Variants in MARF1 observed in about 807,000 individuals in gnomAD.
MARF1 encodes limkain-b1.
In MARF1, 24 loss-of-function variants were observed where a neutral mutation model predicts 168.2. That is an observed-to-expected ratio of 0.14 (90% CI 0.10 to 0.20). The LOEUF (loss-of-function observed/expected upper bound fraction) is 0.20, where lower values mean the gene tolerates loss of function less well. Among genes scored for constraint, MARF1 ranks in the 10% least tolerant of loss-of-function variants. MARF1 has a pLI of 1.00. For missense variants in MARF1, 1,744 were observed against 2,143.6 expected (o/e 0.81, Z 3.68); for synonymous variants, 868 against 822.4 (o/e 1.06, Z -0.95).
chr16:15,600,684 T>A lies in MARF1; in HGVS notation c.4644A>T (p.Gly1548=), dbSNP rs1411738972. The A allele has an allele frequency of 6.2e-7, 1 of 1,613,858 alleles. No individual in the cohort carries two copies. The highest frequency in any genetic ancestry group is 1.1e-5 in the South Asian group (1 of 91,090). Residue 1548 remains glycine, a synonymous_variant, in exon 24 of 27, where the codon GGA becomes GGT. Coordinates refer to ENST00000396368, the MANE Select transcript of MARF1 (RefSeq NM_014647.4). ...ACACTACAATTCTCTTATGACCATG[T>A]CCTTTTATCCAGACCACCTGCACAC... The part of the protein sequence containing the change: ...GAIPQVVWIK[G]HGHKRIVVLK...
intron 22 of MARF1, among the ~76,000 whole-genome samples, chr16:15,603,540 C>T (rs1394221860): frequency 6.6e-6 from 1 of 152,106 alleles, no homozygotes; most frequent in Non-Finnish European, 1.5e-5. Context: ...CAATTGTTAT[C>T]TCACTTGGTC....
intron 16 of MARF1, among the ~76,000 whole-genome samples, chr16:15,613,048 T>C (rs1306067935): frequency 6.6e-6 from 1 of 152,218 alleles, no homozygotes; most frequent in Non-Finnish European, 1.5e-5. Flanking sequence ...GTGTTATTTA[T>C]AGCAGAAGTC....
chr16:15,599,170 A>AAAC (rs1555519157), intron 25 of MARF1, 146 bp from the exon 26 acceptor site: 3 of 794,060 alleles, frequency 3.8e-6, no homozygotes, highest in African/African-American at 3.7e-5. Flanking sequence ...AAAAAAAAAA[A>AAAC]AAAAACAAAA....
intron 8 of MARF1, 70 bp downstream of exon 8, chr16:15,625,302 C>A (rs1366160898): frequency 6.5e-7 from 1 of 1,544,036 alleles, no homozygotes; most frequent in East Asian, 2.3e-5. Flanking sequence ...CAAAAGCAAG[C>A]GGGCACGTAA....
intron 12 of MARF1, among the ~76,000 whole-genome samples, chr16:15,621,162 A>T (rs1383791112): frequency 6.6e-6 from 1 of 152,194 alleles, no homozygotes; most frequent in Non-Finnish European, 1.5e-5. Flanking sequence ...GTTAGAAAAA[A>T]GATCTCTGAT....
In MARF1 at chr16:15,617,292, G is replaced by A. The variant is rs1438509219; in HGVS notation, c.2957+7C>T. On this transcript the variant is annotated splice_region_variant and intron_variant, in intron 14 of 26. Coordinates refer to ENST00000396368, the MANE Select transcript of MARF1 (RefSeq NM_014647.4). ...GAATTACTTCTAAAGGAAAACGAAC[G>A]GCACACCTGAAATCCTTATTGGAAC... 17 of 1,611,620 alleles carry A rather than the reference G, an allele frequency of 1.1e-5. No homozygotes were observed. Among genetic ancestry groups the A allele is most frequent in the Admixed American group, 1.7e-5 (1 of 59,960 alleles).
chr16:15,624,050 T>G (rs2034661904), intron 10 of MARF1, among the ~76,000 whole-genome samples: 1 of 152,086 alleles, frequency 6.6e-6, no homozygotes, highest in Non-Finnish European at 1.5e-5. Flanking sequence ...TAACTGGGAC[T>G]GCAGGCACTC....
rs781121687 is a variant in MARF1, at chr16:15,615,990, G to A, written c.3093C>T (p.Tyr1031=). 4.6e-6 allele frequency: 7 copies of A among 1,510,580 alleles called. No individual in the cohort carries two copies. The highest frequency in any genetic ancestry group is 1.3e-5 in the South Asian group (1 of 77,458). 93.6% of individuals were successfully genotyped at this position (1,510,580 alleles called of 1,614,324 possible). A position where few individuals can be genotyped will look rare whatever the true frequency, so the allele number is the denominator to read the frequency against. The part of the protein sequence containing the change: ...TVPLLSFPDC[Y]IAEFGDLEVV... ...CTTCTAGATCGCCAAACTCTGCAAT[G>A]TAACAATCTGGAAAGCTGAAATAGG... The change falls in exon 16 of 27, where the codon TAC becomes TAT. Residue 1031 remains tyrosine, a synonymous_variant. Transcript: ENST00000396368.
Position 15,630,333 on chromosome 16 carries a change from G to A in MARF1, c.1523C>T (p.Pro508Leu). 1 of 1,595,814 alleles carries A rather than the reference G, an allele frequency of 6.3e-7. No homozygotes were observed. The change falls in exon 7 of 27, where the codon CCA becomes CTA. Residue 508 changes from proline to leucine, a missense_variant and splice_region_variant. By Grantham distance (98) the Pro-to-Leu change is moderately conservative. Coordinates refer to ENST00000396368, the MANE Select transcript of MARF1 (RefSeq NM_014647.4). ...CAAAAATAACGCAAACCCACTTACT[G>A]GCATTTTTAGTGGTAACCTGGGGGG... ...DLPPRLPLKM[P>L]QCHTLLYVYN...
intron 8 of MARF1, 44 bp downstream of exon 8, chr16:15,625,328 C>T: frequency 1.3e-6 from 2 of 1,562,872 alleles, no homozygotes; most frequent in Non-Finnish European, 1.7e-6. Context: ...AGAAACAAAC[C>T]AAACCTACCA....
chr16:15,635,482 C>T (rs2035527120), intron 3 of MARF1, 174 bp downstream of exon 3: 1 of 593,778 alleles, frequency 1.7e-6, no homozygotes. Context: ...AATGATCTCC[C>T]ATCTTACCCT....
At chr16:15,621,105 C>CA (rs138653036) in intron 12 of MARF1, among the ~76,000 whole-genome samples, 5,294 of 146,644 alleles carry the variant, frequency 0.036, 300 homozygotes, top group African/African-American at 0.12. Context: ...AGAACAACAA[C>CA]AAAAAAAAAA....
chr16:15,617,061 G>T lies in MARF1; in HGVS notation c.3068C>A (p.Pro1023His). ...SLLQTHEGTV[P>H]LLSFPDCYIA... ...CTTTGAGATGGTTCACCTCAATAAAGGCACGGTGCCCTCGTGGGTCTGGAG... is the reference window on the plus strand; with the variant it reads ...CTTTGAGATGGTTCACCTCAATAAATGCACGGTGCCCTCGTGGGTCTGGAG... The change falls in exon 15 of 27, where the codon CCT becomes CAT. Residue 1023 changes from proline to histidine, a missense_variant. Physicochemically the swap from Pro to His is moderately conservative, Grantham distance 77. Around this residue, in one of 7 missense-constraint regions of MARF1, gnomAD observed 543 missense variants for 742.1 expected, o/e 0.73. Transcript: ENST00000396368. 6.2e-7 allele frequency: 1 copy of T among 1,612,524 alleles called. No homozygotes were observed. Among genetic ancestry groups the T allele is most frequent in the Non-Finnish European group, 8.5e-7 (1 of 1,179,666 alleles).
At chr16:15,615,022 T>C (rs998306154) in intron 16 of MARF1, among the ~76,000 whole-genome samples, 1 of 152,022 alleles carries the variant, frequency 6.6e-6, no homozygotes, top group African/African-American at 2.4e-5. Flanking sequence ...CTCAGGTGAT[T>C]TACCCACCTC....
At position 15,596,826 on chromosome 16, in the gene MARF1, G is replaced by C; in HGVS notation, c.5096C>G (p.Pro1699Arg). The C allele has an allele frequency of 6.2e-7, 1 of 1,614,166 alleles. No homozygotes were observed. The highest frequency in any genetic ancestry group is 8.5e-7 in the Non-Finnish European group (1 of 1,180,020). ...SSCISAAVPV[P>R]PCPSSETSES... ...GGAGGTTTCCGAGGAGGGGCAGGGA[G>C]GCACGGGGACAGCTGCTGAGATGCA... Residue 1699 changes from proline (P) to arginine (R), a missense_variant, in exon 27 of 27, where the codon CCT becomes CGT. Physicochemically the swap from Pro to Arg is moderately radical, Grantham distance 103. Coordinates refer to ENST00000396368, the MANE Select transcript of MARF1 (RefSeq NM_014647.4).
In MARF1 at chr16:15,602,482, A is replaced by AGAAGAC. The variant is rs781400084; in HGVS notation, c.4414-285_4414-280dup. 900 of 575,238 alleles carry AGAAGAC rather than the reference A, an allele frequency of 1.6e-3. 2 individuals carry two copies. The highest frequency in any genetic ancestry group is 2.0e-3 in the South Asian group (115 of 57,014). 35.6% of individuals were successfully genotyped at this position (575,238 alleles called of 1,614,324 possible). ...ACGACAAAGATGAAGACAAAGAACA[A>AGAAGAC]GAAGACGAAGACAAGACGAAGACGA... is the stretch of plus-strand genomic sequence containing the variant. On this transcript the variant is annotated intron_variant, in intron 22 of 26. Transcript: ENST00000396368.
intron 16 of MARF1, among the ~76,000 whole-genome samples, chr16:15,614,111 G>A (rs1374520864): frequency 4.6e-5 from 7 of 152,020 alleles, no homozygotes; most frequent in Admixed American, 1.3e-4. Flanking sequence ...TCCAAAACGT[G>A]GACCAAAATG....
At chr16:15,617,028 G>A (rs755136346) in intron 15 of MARF1, 24 bp downstream of exon 15, 74 of 1,599,392 alleles carry the variant, frequency 4.6e-5, no homozygotes, top group South Asian at 2.7e-4. Context: ...GCATTATATC[G>A]ACAAAGGCTT....
chr16:15,598,719 G>A (rs1023632405), intron 26 of MARF1, 135 bp downstream of exon 26: 137 of 885,216 alleles, frequency 1.5e-4, no homozygotes, highest in Middle Eastern at 6.9e-4. Context: ...AAAGAAGGTC[G>A]AATAATCAGC....
Sources: gnomAD v4.1 joint callset for allele counts (sites outside exome capture counted in the v4.1 genomes callset) on GRCh38, gnomAD v4.1.1 for gene constraint, gnomAD v4.1.1 regional missense constraint, MANE v1.5 for transcripts, NCBI Gene and HGNC (gene_info 2026-07-23, HGNC 2026-07-21) for gene names.